The following PBX4 variants were observed in gnomAD, a reference collection of about 807,000 sequenced individuals.
The protein encoded by PBX4 is PBX homeobox 4.
In PBX4, 26 loss-of-function variants were observed where a neutral mutation model predicts 35.1. The observed-to-expected ratio is 0.74, with a 90% confidence interval of 0.54 to 1.03. The LOEUF is 1.03. Ranked by LOEUF, PBX4 falls within the 50% of genes least tolerant of loss-of-function variation. PBX4 has a pLI of 0.00. For synonymous variants in PBX4, 199 were observed against 204.2 expected, an observed-to-expected ratio of 0.97 and a Z score of 0.22; for missense variants, 448 against 504.3, an observed-to-expected ratio of 0.89 and a Z score of 1.07.
intron 2 of PBX4, among the ~76,000 whole-genome samples, chr19:19,583,278 C>CA (rs2061467153): frequency 6.7e-6 from 1 of 148,974 alleles, no homozygotes; most frequent in African/African-American, 2.5e-5. Flanking sequence ...GACTCCGTCT[C>CA]AAAAAAACAA....
At position 19,570,144 on chromosome 19, in the gene PBX4, T is replaced by A; in HGVS notation, c.597A>T (p.Ala199=). The A allele has an allele frequency of 6.2e-7, 1 of 1,612,786 alleles. No homozygotes were observed. Among genetic ancestry groups the A allele is most frequent in the African/African-American group, 1.3e-5 (1 of 75,034 alleles). Residue 199 remains alanine (A), a synonymous_variant, in exon 4 of 8, where the codon GCA becomes GCT. Transcript: ENST00000251203. ...GCAGCCGCGAACGCAGGGTCATCACTGCCTCACAGGTGCTCTGCTTCAACT... is the reference window on the plus strand; with the variant it reads ...GCAGCCGCGAACGCAGGGTCATCACAGCCTCACAGGTGCTCTGCTTCAACT... The part of the protein sequence containing the change: ...QMQLKQSTCE[A]VMTLRSRLLD...
intron 6 of PBX4, 174 bp downstream of exon 6, chr19:19,564,759 G>T: frequency 1.3e-6 from 1 of 770,634 alleles, no homozygotes; most frequent in Non-Finnish European, 2.1e-6. Flanking sequence ...GGTATCTGTT[G>T]GTTGGGATCA....
intron 2 of PBX4, among the ~76,000 whole-genome samples, chr19:19,582,991 C>T (rs2061465286): frequency 6.6e-6 from 1 of 152,252 alleles, no homozygotes; most frequent in Non-Finnish European, 1.5e-5. Flanking sequence ...GAACACCAAG[C>T]TCAGGCCTGC....
Position 19,563,468 on chromosome 19 carries a change from A to C in PBX4, c.1032+41T>G. 6.9e-7 allele frequency: 1 copy of C among 1,448,792 alleles called. No individual in the cohort carries two copies. Among genetic ancestry groups the C allele is most frequent in the Middle Eastern group, 2.0e-4 (1 of 4,956 alleles). The allele number at this position is 1,448,792 out of a possible 1,614,324, so 89.7% of individuals were successfully genotyped here. ...ACAAGACGACCCTTTCTGAGAACCT[A>C]CCACCCACCTGGGCGCTGTGGGACA... On this transcript the variant is annotated intron_variant, in intron 7 of 7. Coordinates refer to ENST00000251203, the MANE Select transcript of PBX4 (RefSeq NM_025245.3). The surrounding 1 kb of genome is among the most constrained non-coding windows in gnomAD (Gnocchi z 5.1).
chr19:19,616,367 G>A (rs1037160062), intron 1 of PBX4, among the ~76,000 whole-genome samples: 35 of 152,124 alleles, frequency 2.3e-4, no homozygotes, highest in Middle Eastern at 3.4e-3. Context: ...TCACTCTGTC[G>A]CCCAGGTTGG....
intron 2 of PBX4, chr19:19,588,156 T>C: frequency 8.4e-7 from 1 of 1,186,274 alleles, no homozygotes; most frequent in East Asian, 2.4e-5. Flanking sequence ...AAATAGACAA[T>C]CTTCAGGCAG....
intron 6 of PBX4, 124 bp downstream of exon 6, chr19:19,564,805 GAAGA>G (rs2061330677): frequency 6.8e-6 from 8 of 1,178,720 alleles, no homozygotes; most frequent in Non-Finnish European, 8.5e-6. Context: ...AGTTGAAACA[GAAGA>G]AAGAGTTACA....
At chr19:19,588,194 C>A (rs1021769964) in intron 2 of PBX4, 1 of 1,345,348 alleles carries the variant, frequency 7.4e-7, no homozygotes, top group African/African-American at 1.4e-5. Context: ...CTGGATGGTG[C>A]ACTCCTTACA....
chr19:19,599,215 C>T (rs1035057148), intron 2 of PBX4, 77 bp downstream of exon 2: 98 of 1,261,060 alleles, frequency 7.8e-5, no homozygotes, highest in Non-Finnish European at 1.0e-4. Flanking sequence ...GATCTGCCCG[C>T]CTCCGCCTCC....
At chr19:19,567,515 C>T (rs2061350115) in intron 5 of PBX4, among the ~76,000 whole-genome samples, 1 of 152,190 alleles carries the variant, frequency 6.6e-6, no homozygotes, top group Non-Finnish European at 1.5e-5. Flanking sequence ...TGTGGGTCAG[C>T]ACCTGCCATT....
At position 19,570,318 on chromosome 19, in the gene PBX4, C is replaced by T. The variant is rs760436965; in HGVS notation, c.442-19G>A. ...GACAGGCCTGGGGTGGGAGCACAGA[C>T]ACGCCGGCCTGTGACTAGGCAGCAG... On this transcript the variant is annotated intron_variant, in intron 3 of 7. Transcript: ENST00000251203. 10 of 1,579,912 alleles carry T rather than the reference C, an allele frequency of 6.3e-6. No homozygotes were observed. The highest frequency in any genetic ancestry group is 8.6e-6 in the Non-Finnish European group (10 of 1,159,654).
At position 19,562,700 on chromosome 19, in the gene PBX4, C is replaced by T. The variant is rs1293801825; in HGVS notation, c.1033-583G>A. Among the ~76,000 whole-genome samples the T allele has an allele frequency of 6.6e-6, 1 of 152,170 alleles. No homozygotes were observed. Among genetic ancestry groups the T allele is most frequent in the African/African-American group, 2.4e-5 (1 of 41,450 alleles). ...AGGAAGTGGCTGGGACTGCTCTGCC[C>T]GTGAGTGTGGGAGCAGCTCAGACGG... On this transcript the variant is annotated intron_variant, in intron 7 of 7. Coordinates refer to ENST00000251203, the MANE Select transcript of PBX4 (RefSeq NM_025245.3). The surrounding 1 kb of genome is among the most constrained non-coding windows in gnomAD (Gnocchi z 4.8).
intron 2 of PBX4, among the ~76,000 whole-genome samples, chr19:19,586,668 G>A (rs1037282245): frequency 6.6e-6 from 1 of 151,936 alleles, no homozygotes; most frequent in African/African-American, 2.4e-5. Context: ...GCACTTGGCC[G>A]GGCATGATGG....
At chr19:19,605,718 C>A (rs2061626867) in intron 1 of PBX4, among the ~76,000 whole-genome samples, 1 of 151,892 alleles carries the variant, frequency 6.6e-6, no homozygotes, top group Admixed American at 6.6e-5. Flanking sequence ...AATCCTCCCA[C>A]TTTGGCCTCA....
At chr19:19,588,559 G>T (rs546857650) in intron 2 of PBX4, 7 of 444,814 alleles carry the variant, frequency 1.6e-5, no homozygotes, top group Admixed American at 9.6e-5. Context: ...TTACAGGTGT[G>T]AGCCACCGTG....
In PBX4 at chr19:19,615,702, G is replaced by A. The variant is rs563478236; in HGVS notation, c.119+2809C>T. Among the ~76,000 whole-genome samples the A allele has an allele frequency of 1.6e-4, 25 of 152,272 alleles. No individual in the cohort carries two copies. In the South Asian group the frequency reaches 5.0e-3, roughly 30 times the overall value. On this transcript the variant is annotated intron_variant, in intron 1 of 7. Transcript: ENST00000251203. The stretch of plus-strand genomic sequence containing the variant: ...AGGTCAGGAATTTGTGACCAGCCTG[G>A]CCAACACGGTGAAACCCCATCTCTA...
At position 19,576,116 on chromosome 19, in the gene PBX4, G is replaced by T. The variant is rs144650200; in HGVS notation, c.194-5283C>A. Among the ~76,000 whole-genome samples the T allele has an allele frequency of 3.9e-5, 6 of 152,316 alleles. No homozygotes were observed. The East Asian group carries it at 1.2e-3, about 29-fold the overall frequency. ...TCATTTATGTATTTAGGGGCTGGGC[G>T]AGGTGGCTTATATCTATAATCCCAG... is the stretch of plus-strand genomic sequence containing the variant. On this transcript the variant is annotated intron_variant, in intron 2 of 7. Transcript: ENST00000251203.
In PBX4 at chr19:19,609,368, G is replaced by A. The variant is rs998982103; in HGVS notation, c.119+9143C>T. ...AGTTGGAGACCAGCCTGACCAACATGGAGAAACCCCGTCTCTACTAAAAAT... is the reference window on the plus strand; with the variant it reads ...AGTTGGAGACCAGCCTGACCAACATAGAGAAACCCCGTCTCTACTAAAAAT... On this transcript the variant is annotated intron_variant, in intron 1 of 7. Transcript: ENST00000251203. 3.3e-5 allele frequency among the ~76,000 whole-genome samples: 5 copies of A among 151,684 alleles called. No homozygotes were observed. The East Asian group carries it at 9.7e-4, about 29-fold the overall frequency.
Position 19,562,730 on chromosome 19 carries a change from A to G in PBX4, c.1033-613T>C, listed in dbSNP as rs1426277815. Among the ~76,000 whole-genome samples, 1 of 152,166 alleles carries G rather than the reference A, an allele frequency of 6.6e-6. No homozygotes were observed. Among genetic ancestry groups the G allele is most frequent in the Non-Finnish European group, 1.5e-5 (1 of 68,020 alleles). The stretch of plus-strand genomic sequence containing the variant: ...GTGTGGGAGCAGCTCAGACGGGTGC[A>G]CCACCTGGGGGCACTCTGCTCTGAA... On this transcript the variant is annotated intron_variant, in intron 7 of 7. Coordinates refer to ENST00000251203, the MANE Select transcript of PBX4 (RefSeq NM_025245.3). The surrounding 1 kb of genome is among the most constrained non-coding windows in gnomAD (Gnocchi z 4.8).
Sources: allele counts gnomAD v4.1 joint callset (sites outside exome capture counted in the v4.1 genomes callset), GRCh38; gene constraint gnomAD v4.1.1; non-coding constraint Gnocchi (gnomAD v3.1); transcripts MANE v1.5; gene names NCBI Gene and HGNC (gene_info 2026-07-23, HGNC 2026-07-21).